Variants in AMOTL1 observed in about 807,000 individuals in gnomAD.
AMOTL1 encodes the protein angiomotin like 1, also known as angiomotin-like protein 1.
A neutral mutation model predicts 102.9 loss-of-function variants in AMOTL1; 45 were observed. The observed-to-expected ratio is 0.44, with a 90% CI of 0.34 to 0.56. The LOEUF is 0.56. Among genes scored for constraint, AMOTL1 ranks in the 20% least tolerant of loss-of-function variants. The pLI is 0.01. For synonymous variants in AMOTL1, 481 were observed against 484.7 expected, an observed-to-expected ratio of 0.99 and a Z score of 0.10; for missense variants, 1,114 against 1,225.6, an observed-to-expected ratio of 0.91 and a Z score of 1.36.
At chr11:94,745,911 T>C (rs1025286433) in intron 3 of AMOTL1, among the ~76,000 whole-genome samples, 1 of 152,170 alleles carries the variant, frequency 6.6e-6, no homozygotes, top group African/African-American at 2.4e-5. Flanking sequence ...TCAGGAATGG[T>C]GATTAGGTCA....
chr11:94,828,714 T>C (rs1220141126), intron 4 of AMOTL1, among the ~76,000 whole-genome samples: 1 of 152,156 alleles, frequency 6.6e-6, no homozygotes, highest in Non-Finnish European at 1.5e-5. Flanking sequence ...GTTCAGATAT[T>C]TATTATTTAT....
intron 3 of AMOTL1, among the ~76,000 whole-genome samples, chr11:94,808,986 T>G (rs1951619664): frequency 7.3e-6 from 1 of 137,136 alleles, no homozygotes; most frequent in Non-Finnish European, 1.6e-5. Flanking sequence ...TTTTTTTTTT[T>G]TTGAGATGGA....
intron 6 of AMOTL1, among the ~76,000 whole-genome samples, chr11:94,846,737 C>G (rs1179352592): frequency 6.6e-6 from 1 of 152,172 alleles, no homozygotes; most frequent in Non-Finnish European, 1.5e-5. Context: ...TTTGGGAACA[C>G]ACATTAGATA....
intron 2 of AMOTL1, among the ~76,000 whole-genome samples, chr11:94,732,870 G>A (rs1950376432): frequency 1.3e-5 from 2 of 152,114 alleles, no homozygotes; most frequent in Admixed American, 1.3e-4. Flanking sequence ...AAATTCAGTG[G>A]TACTGTTCCC....
intron 2 of AMOTL1, among the ~76,000 whole-genome samples, chr11:94,736,036 A>G (rs1206873062): frequency 6.6e-6 from 1 of 152,060 alleles, no homozygotes; most frequent in East Asian, 1.9e-4. Context: ...TCTATGGTAA[A>G]CTTCCTCTTG....
At chr11:94,788,672 C>T (rs562376032) in intron 1 of AMOTL1, among the ~76,000 whole-genome samples, 1 of 152,168 alleles carries the variant, frequency 6.6e-6, no homozygotes, top group Non-Finnish European at 1.5e-5. Flanking sequence ...GGAACCAAAT[C>T]GTAAAATCCT....
intron 1 of AMOTL1, among the ~76,000 whole-genome samples, chr11:94,714,917 AT>A (rs1393921949): frequency 6.6e-6 from 1 of 151,692 alleles, no homozygotes; most frequent in Non-Finnish European, 1.5e-5. Context: ...ACTTCGGTAT[AT>A]TTTGCTCTTC....
intron 3 of AMOTL1, among the ~76,000 whole-genome samples, chr11:94,762,709 A>G (rs967986787): frequency 5.9e-5 from 9 of 152,204 alleles, no homozygotes; most frequent in Non-Finnish European, 1.3e-4. Flanking sequence ...GTTTGGGGCC[A>G]ACGTCTCTAC....
chr11:94,720,367 A>G (rs1240662407), intron 1 of AMOTL1, among the ~76,000 whole-genome samples: 3 of 152,168 alleles, frequency 2.0e-5, no homozygotes, highest in African/African-American at 2.4e-5. Context: ...GCACCTCAGA[A>G]GCCCAGACTG....
At chr11:94,856,717 G>T (rs533940786) in intron 8 of AMOTL1, among the ~76,000 whole-genome samples, 31 of 152,298 alleles carry the variant, frequency 2.0e-4, no homozygotes, top group Admixed American at 3.9e-4. Flanking sequence ...TAGAAAGCAT[G>T]CTGGGGTCAC....
chr11:94,768,485 A>T lies in AMOTL1; in HGVS notation c.-27A>T, dbSNP rs763142305. 1.9e-6 allele frequency: 3 copies of T among 1,585,462 alleles called. No homozygotes were observed. The highest frequency in any genetic ancestry group is 2.6e-6 in the Non-Finnish European group (3 of 1,167,090). ...GCCCGGCAGCCGTCTTCCCCAGCCG[A>T]GGGACTGAACTAGCCATGATCGCCT... On this transcript the variant is annotated 5_prime_UTR_variant, in exon 1 of 13. Coordinates refer to ENST00000433060, the MANE Select transcript of AMOTL1 (RefSeq NM_130847.3).
intron 1 of AMOTL1, among the ~76,000 whole-genome samples, chr11:94,780,093 GA>G (rs1202116184): frequency 3.7e-4 from 57 of 152,308 alleles, no homozygotes; most frequent in African/African-American, 1.3e-3. Flanking sequence ...GAGATGAAAT[GA>G]AAGAAAAATT....
chr11:94,856,756 C>T (rs1312192312), intron 8 of AMOTL1, among the ~76,000 whole-genome samples: 2 of 152,206 alleles, frequency 1.3e-5, no homozygotes, highest in African/African-American at 4.8e-5. Context: ...GTCATCTCCA[C>T]CCTCAACAGA....
chr11:94,841,119 T>G (rs1254975054), intron 6 of AMOTL1, among the ~76,000 whole-genome samples: 1 of 152,090 alleles, frequency 6.6e-6, no homozygotes, highest in Non-Finnish European at 1.5e-5. Context: ...TATCTGCAAC[T>G]AGAAGTGTCA....
At chr11:94,706,930 C>T (rs974049556) in intron 1 of AMOTL1, among the ~76,000 whole-genome samples, 1 of 152,074 alleles carries the variant, frequency 6.6e-6, no homozygotes, top group Admixed American at 6.5e-5. Flanking sequence ...CCATCCATAC[C>T]TCCTTTGCCT....
At chr11:94,762,797 T>C (rs1950810299) in intron 3 of AMOTL1, among the ~76,000 whole-genome samples, 1 of 152,186 alleles carries the variant, frequency 6.6e-6, no homozygotes, top group Admixed American at 6.5e-5. Flanking sequence ...CTTGTGTTTA[T>C]ATAGATAAAA....
intron 11 of AMOTL1, chr11:94,866,417 G>GT (rs1952884569): frequency 2.0e-6 from 1 of 510,602 alleles, no homozygotes; most frequent in African/African-American, 1.9e-5. Context: ...TATTATTGTT[G>GT]TAAGTTGAGG....
At chr11:94,836,868 A>G (rs333018) in intron 6 of AMOTL1, among the ~76,000 whole-genome samples, 49,805 of 150,658 alleles carry the variant, frequency 0.33, 9,240 homozygotes, top group Admixed American at 0.48. Flanking sequence ...TCCATTTTTG[A>G]CTCCTTTAAC....
intron 1 of AMOTL1, among the ~76,000 whole-genome samples, chr11:94,707,602 T>A (rs1949951508): frequency 6.6e-6 from 1 of 152,136 alleles, no homozygotes; most frequent in Non-Finnish European, 1.5e-5. Context: ...TAAGAGATGT[T>A]TGCTTTGTTT....
Sources: gnomAD v4.1 joint callset for allele counts (sites outside exome capture counted in the v4.1 genomes callset) on GRCh38, gnomAD v4.1.1 for gene constraint, MANE v1.5 for transcripts, NCBI Gene and HGNC (gene_info 2026-07-23, HGNC 2026-07-21) for gene names.